The following STPG2 variants were observed in gnomAD, a reference collection of about 807,000 sequenced individuals.
STPG2 encodes the protein sperm-tail PG-rich repeat-containing protein 2.
Under a neutral mutation model 54.2 loss-of-function variants are expected in STPG2, and 56 were observed. That is an observed-to-expected ratio of 1.03 (90% confidence interval 0.83 to 1.29). STPG2 has a LOEUF of 1.29. Ranked by LOEUF, STPG2 falls within the 50% of genes most tolerant of loss-of-function variation. The pLI, the probability that STPG2 is intolerant of heterozygous loss-of-function variation, is 0.00. For missense variants in STPG2, 596 were observed against 544.9 expected, an observed-to-expected ratio of 1.09 and a Z score of -0.93; for synonymous variants, 200 against 181.8, an observed-to-expected ratio of 1.10 and a Z score of -0.81.
At chr4:97,641,477 T>C (rs1379915143) in intron 10 of STPG2, among the ~76,000 whole-genome samples, 1 of 151,572 alleles carries the variant, frequency 6.6e-6, no homozygotes, top group Non-Finnish European at 1.5e-5. Flanking sequence ...TTCATATCTA[T>C]CAGTTCTATT....
chr4:97,906,027 T>A (rs1232121905), intron 8 of STPG2, among the ~76,000 whole-genome samples: 1 of 151,692 alleles, frequency 6.6e-6, no homozygotes. Context: ...AGAGCAGAAC[T>A]GAAGGAAATA....
intron 8 of STPG2, among the ~76,000 whole-genome samples, chr4:97,908,558 A>T (rs1667633180): frequency 6.6e-6 from 1 of 152,102 alleles, no homozygotes; most frequent in Admixed American, 6.5e-5. Context: ...ATAAAGACAC[A>T]TGCACACATA....
intron 9 of STPG2, among the ~76,000 whole-genome samples, chr4:97,787,739 AC>A (rs140416220): frequency 7.8e-4 from 119 of 151,942 alleles, no homozygotes; most frequent in African/African-American, 2.8e-3. Context: ...TTATCAGATA[AC>A]TTTTAATGAA....
chr4:98,082,681 T>C (rs948975413), intron 5 of STPG2, among the ~76,000 whole-genome samples: 4 of 151,790 alleles, frequency 2.6e-5, no homozygotes, highest in African/African-American at 9.7e-5. Context: ...CTCCATCTCT[T>C]GACCTCATGA....
At chr4:98,034,249 CAA>C (rs1736697013) in intron 5 of STPG2, among the ~76,000 whole-genome samples, 1 of 152,168 alleles carries the variant, frequency 6.6e-6, no homozygotes, top group Admixed American at 6.5e-5. Flanking sequence ...GCAACTTCAG[CAA>C]AGTCTCAGGA....
chr4:97,526,124 A>T (rs1365030555), intron 4 of STPG2, among the ~76,000 whole-genome samples: 1 of 152,036 alleles, frequency 6.6e-6, no homozygotes, highest in East Asian at 1.9e-4. Flanking sequence ...CTAATAATAT[A>T]CTTCATGTAG....
intron 7 of STPG2, among the ~76,000 whole-genome samples, chr4:97,961,288 G>T (rs557086112): frequency 6.6e-6 from 1 of 152,182 alleles, no homozygotes; most frequent in Non-Finnish European, 1.5e-5. Context: ...CATTGGCTTA[G>T]GCAAAGATTT....
chr4:97,879,855 T>C (rs1041175657), intron 8 of STPG2, among the ~76,000 whole-genome samples: 3 of 152,148 alleles, frequency 2.0e-5, no homozygotes. Flanking sequence ...GGTAGGAATA[T>C]AAATTAGTAC....
At chr4:97,952,783 A>G (rs1733522864) in intron 7 of STPG2, among the ~76,000 whole-genome samples, 1 of 152,178 alleles carries the variant, frequency 6.6e-6, no homozygotes, top group Non-Finnish European at 1.5e-5. Context: ...ACATGGACAG[A>G]CTCAGGACCT....
intron 5 of STPG2, among the ~76,000 whole-genome samples, chr4:97,995,593 G>A (rs914590769): frequency 7.3e-4 from 111 of 152,072 alleles, no homozygotes; most frequent in Non-Finnish European, 4.6e-4. Flanking sequence ...CAGGATATTG[G>A]GAAAAGACTA....
chr4:97,481,520 T>A (rs1730220251), intron 4 of STPG2, among the ~76,000 whole-genome samples: 1 of 151,588 alleles, frequency 6.6e-6, no homozygotes, highest in African/African-American at 2.4e-5. Context: ...ATGTTAAAGA[T>A]TTTCTCACCA....
chr4:97,568,875 TTTTC>T (rs1039430824), intron 10 of STPG2, among the ~76,000 whole-genome samples: 38 of 150,652 alleles, frequency 2.5e-4, no homozygotes, highest in African/African-American at 9.2e-4. Flanking sequence ...ATTTCTTTTC[TTTTC>T]TTTCTTTTGT....
chr4:97,708,156 A>G (rs1724008040), intron 10 of STPG2, among the ~76,000 whole-genome samples: 1 of 152,134 alleles, frequency 6.6e-6, no homozygotes, highest in Admixed American at 6.5e-5. Flanking sequence ...TAAAGCTAAT[A>G]ATGTGAAAGG....
intron 7 of STPG2, among the ~76,000 whole-genome samples, chr4:97,970,316 G>A (rs973243455): frequency 1.3e-5 from 2 of 152,080 alleles, no homozygotes; most frequent in Non-Finnish European, 2.9e-5. Context: ...CTATTTTAAA[G>A]CTCATATGGA....
At chr4:97,699,542 T>G (rs1723697144) in intron 10 of STPG2, among the ~76,000 whole-genome samples, 1 of 152,196 alleles carries the variant, frequency 6.6e-6, no homozygotes, top group Admixed American at 6.5e-5. Flanking sequence ...TTACAGTCCA[T>G]GAATGAGTAT....
At chr4:97,752,444 A>G (rs1271797488) in intron 9 of STPG2, among the ~76,000 whole-genome samples, 1 of 151,742 alleles carries the variant, frequency 6.6e-6, no homozygotes, top group Non-Finnish European at 1.5e-5. Flanking sequence ...TAAAGTTCTT[A>G]TTTAATATTT....
intron 4 of STPG2, among the ~76,000 whole-genome samples, chr4:97,514,773 T>C (rs931280579): frequency 1.2e-4 from 19 of 152,100 alleles, no homozygotes. Flanking sequence ...ATCTTTTTTA[T>C]TACCACCAGA....
intron 4 of STPG2, among the ~76,000 whole-genome samples, chr4:97,461,257 A>ATC (rs888281835): frequency 1.1e-4 from 16 of 147,634 alleles, no homozygotes; most frequent in East Asian, 1.9e-4. Flanking sequence ...CTTTCTCTTT[A>ATC]TCTCTCTCTC....
At chr4:97,752,902 A>C (rs1273718393) in intron 9 of STPG2, among the ~76,000 whole-genome samples, 2 of 151,854 alleles carry the variant, frequency 1.3e-5, no homozygotes, top group Non-Finnish European at 2.9e-5. Context: ...CCTTTTCCAT[A>C]TGAATAGTAG....
Sources: allele counts gnomAD v4.1 joint callset (sites outside exome capture counted in the v4.1 genomes callset), GRCh38; gene constraint gnomAD v4.1.1; transcripts MANE v1.5; gene names NCBI Gene and HGNC (gene_info 2026-07-23, HGNC 2026-07-21).